Variants in PRH1 observed in about 807,000 individuals in gnomAD.
The protein encoded by PRH1 is proline rich protein HaeIII subfamily 1.
Under a neutral mutation model 7.9 loss-of-function variants are expected in PRH1, and 7 were observed. The observed-to-expected ratio is 0.89, with a 90% confidence interval of 0.50 to 1.67. PRH1 has a LOEUF of 1.67. Among genes scored for constraint, PRH1 ranks in the 40% most tolerant of loss-of-function variants. The probability of loss-of-function intolerance (pLI) is 0.00; values close to 1 mark genes in which losing one functional copy is unlikely to be tolerated. For synonymous variants in PRH1, 45 were observed against 80.8 expected, an observed-to-expected ratio of 0.56 and a Z score of 2.38; for missense variants, 109 against 223.6, an observed-to-expected ratio of 0.49 and a Z score of 3.27.
intron 1 of PRH1, among the ~76,000 whole-genome samples, chr12:11,113,421 C>T (rs142962008): frequency 0.017 from 2,569 of 152,174 alleles, 66 homozygotes; most frequent in Admixed American, 0.068. Context: ...ACATCTACAA[C>T]CATCTGATTT....
intron 1 of PRH1, among the ~76,000 whole-genome samples, chr12:11,101,240 T>A (rs1945238207): frequency 6.6e-6 from 1 of 152,122 alleles, no homozygotes; most frequent in Non-Finnish European, 1.5e-5. Flanking sequence ...TGTAATCCCA[T>A]CATTTGGGAG....
At chr12:11,152,533 T>C (rs566271870) in intron 1 of PRH1, among the ~76,000 whole-genome samples, 2 of 152,330 alleles carry the variant, frequency 1.3e-5, no homozygotes, top group Non-Finnish European at 2.9e-5. Context: ...ATCACTTATC[T>C]GTACTATATT....
chr12:11,144,420 CT>C (rs1477162075), intron 1 of PRH1, among the ~76,000 whole-genome samples: 1 of 152,138 alleles, frequency 6.6e-6, no homozygotes, highest in East Asian at 1.9e-4. Context: ...AACTGAAGGG[CT>C]GGTCTCACTC....
At chr12:10,989,071 G>T (rs776782706) in intron 1 of PRH1, among the ~76,000 whole-genome samples, 1 of 152,180 alleles carries the variant, frequency 6.6e-6, no homozygotes, top group Non-Finnish European at 1.5e-5. Context: ...GCCTCCCAAA[G>T]TGCTGGGATT....
chr12:11,118,953 C>T (rs1384723182), downstream of PRH1, among the ~76,000 whole-genome samples: 1 of 137,936 alleles, frequency 7.2e-6, no homozygotes, highest in African/African-American at 2.7e-5. Flanking sequence ...CGAGATTGCG[C>T]CACTGCACTC....
At chr12:11,133,616 T>C in intron 1 of PRH1, 1 of 1,614,268 alleles carries the variant, frequency 6.2e-7, no homozygotes, top group Non-Finnish European at 8.5e-7. Context: ...GCCATGGAGC[T>C]GCATCTTCTT....
chr12:11,132,236 TC>T (rs1401222429), intron 1 of PRH1, among the ~76,000 whole-genome samples: 1 of 152,378 alleles, frequency 6.6e-6, no homozygotes, highest in East Asian at 1.9e-4. Context: ...CTAGGACAAA[TC>T]CCATAATTAA....
chr12:10,979,377 G>C (rs1457946496), intron 1 of PRH1, among the ~76,000 whole-genome samples: 1 of 152,194 alleles, frequency 6.6e-6, no homozygotes, highest in African/African-American at 2.4e-5. Flanking sequence ...ATCTGAGAAA[G>C]AGCATTCCAA....
chr12:10,994,241 C>T (rs1940094672), intron 1 of PRH1, among the ~76,000 whole-genome samples: 1 of 152,222 alleles, frequency 6.6e-6, no homozygotes, highest in Non-Finnish European at 1.5e-5. Context: ...GGCATGAGGT[C>T]TGACTTTCAT....
At position 10,909,888 on chromosome 12, in the gene PRH1, G is replaced by A. The variant is rs11830286; in HGVS notation, c.-58-25613C>T. Among the ~76,000 whole-genome samples, 274 of 152,210 alleles carry A rather than the reference G, an allele frequency of 1.8e-3. 1 individual carries two copies. The highest frequency in any genetic ancestry group is 6.3e-3 in the African/African-American group (261 of 41,564). On this transcript the variant is annotated intron_variant, in intron 2 of 3. Transcript: ENST00000539853. ...CAATACTGTGACTAAAGAGAAACTC[G>A]TTTACAAAGCATCCATCTTTCTCAT...
intron 2 of PRH1, among the ~76,000 whole-genome samples, chr12:10,944,502 A>G (rs1950454984): frequency 6.6e-6 from 1 of 152,174 alleles, no homozygotes; most frequent in Non-Finnish European, 1.5e-5. Context: ...AGAATATGTC[A>G]ACTGCAAACA....
At chr12:10,895,826 A>G (rs1291541424) in intron 2 of PRH1, 1 of 152,224 alleles carries the variant, frequency 6.6e-6, no homozygotes, top group African/African-American at 2.4e-5. Context: ...CACAGTCCCC[A>G]TTATGAATTA....
At chr12:10,922,745 C>T (rs1950063730) in intron 2 of PRH1, among the ~76,000 whole-genome samples, 1 of 151,292 alleles carries the variant, frequency 6.6e-6, no homozygotes, top group African/African-American at 2.4e-5. Context: ...GTTTGTGAGG[C>T]TTCTGCTTTA....
chr12:11,133,598 G>C (rs1325363595), intron 1 of PRH1: 1 of 1,614,262 alleles, frequency 6.2e-7, no homozygotes, highest in South Asian at 1.1e-5. Context: ...GGGATCTTGA[G>C]ATCCTTTGCC....
At chr12:10,958,702 G>T (rs1398750205) in intron 2 of PRH1, among the ~76,000 whole-genome samples, 1 of 152,126 alleles carries the variant, frequency 6.6e-6, no homozygotes, top group Non-Finnish European at 1.5e-5. Flanking sequence ...CCAAGAAGAA[G>T]GGACACAAGT....
At chr12:11,072,601 T>A (rs1353915990) in intron 1 of PRH1, among the ~76,000 whole-genome samples, 1 of 152,228 alleles carries the variant, frequency 6.6e-6, no homozygotes, top group African/African-American at 2.4e-5. Flanking sequence ...GGGATGGTAG[T>A]CTTTTTACAT....
chr12:11,091,269 C>A, intron 1 of PRH1: 1 of 1,164,460 alleles, frequency 8.6e-7, no homozygotes, highest in Non-Finnish European at 1.2e-6. Flanking sequence ...TTGTTTCCTG[C>A]TAGAAGATAC....
intron 1 of PRH1, among the ~76,000 whole-genome samples, chr12:11,073,845 C>T (rs1172088121): frequency 1.3e-5 from 2 of 152,144 alleles, no homozygotes; most frequent in African/African-American, 4.8e-5. Context: ...AAGCAAACCC[C>T]TAGGGAATTA....
At chr12:11,169,930 T>C (rs1439810984) in intron 1 of PRH1, among the ~76,000 whole-genome samples, 1 of 152,202 alleles carries the variant, frequency 6.6e-6, no homozygotes, top group Non-Finnish European at 1.5e-5. Context: ...CTACCAGTCA[T>C]ATAATCAGTA....
Sources: allele counts gnomAD v4.1 joint callset (sites outside exome capture counted in the v4.1 genomes callset), GRCh38; gene constraint gnomAD v4.1.1; transcripts MANE v1.5; gene names NCBI Gene and HGNC (gene_info 2026-07-23, HGNC 2026-07-21).